The following TCERG1L variants were observed in gnomAD, a reference collection of about 807,000 sequenced individuals.
TCERG1L encodes transcription elongation regulator 1 like.
A neutral mutation model predicts 56.3 loss-of-function variants in TCERG1L; 37 were observed. That is an observed-to-expected ratio of 0.66 (90% CI 0.51 to 0.87). TCERG1L has a LOEUF of 0.87. Among genes scored for constraint, TCERG1L ranks in the 40% least tolerant of loss-of-function variants. The pLI, the probability that TCERG1L is intolerant of heterozygous loss-of-function variation, is 0.00. For missense variants in TCERG1L, 799 were observed against 774.2 expected (o/e 1.03, Z -0.38); for synonymous variants, 324 against 326.3 (o/e 0.99, Z 0.08).
At chr10:131,201,813 A>G (rs4751346) in intron 4 of TCERG1L, among the ~76,000 whole-genome samples, 34,358 of 152,060 alleles carry the variant, frequency 0.23, 4,056 homozygotes, top group East Asian at 0.32. Flanking sequence ...TGAGTTTTTC[A>G]GAGCTGCCGG....
intron 8 of TCERG1L, among the ~76,000 whole-genome samples, chr10:131,129,082 A>G (rs1845592195): frequency 1.3e-5 from 2 of 152,242 alleles, no homozygotes; most frequent in Non-Finnish European, 2.9e-5. Flanking sequence ...TCAAAAACAA[A>G]TGAAGAAAAT....
intron 4 of TCERG1L, among the ~76,000 whole-genome samples, chr10:131,201,797 TGTGA>T (rs797012975): frequency 3.9e-5 from 6 of 152,298 alleles, no homozygotes; most frequent in African/African-American, 1.4e-4. Context: ...AATGCTCAGC[TGTGA>T]GTGAGTTTTT....
At chr10:131,253,494 G>A (rs1274519482) in intron 4 of TCERG1L, among the ~76,000 whole-genome samples, 1 of 152,262 alleles carries the variant, frequency 6.6e-6, no homozygotes, top group African/African-American at 2.4e-5. Context: ...ACTGGGTCAC[G>A]ATCACCTCAC....
chr10:131,225,443 C>T (rs751644903), intron 4 of TCERG1L, among the ~76,000 whole-genome samples: 21 of 152,124 alleles, frequency 1.4e-4, no homozygotes, highest in Admixed American at 6.6e-5. Flanking sequence ...AGGACAGAGG[C>T]GTTTCTCATT....
chr10:131,154,355 G>C (rs932510509), intron 6 of TCERG1L, among the ~76,000 whole-genome samples: 5 of 152,138 alleles, frequency 3.3e-5, no homozygotes, highest in Non-Finnish European at 7.4e-5. Flanking sequence ...TGGTGGGGAG[G>C]GAATGCTCCC....
intron 8 of TCERG1L, among the ~76,000 whole-genome samples, chr10:131,120,463 C>T (rs1050453446): frequency 2.0e-5 from 3 of 152,242 alleles, no homozygotes; most frequent in African/African-American, 4.8e-5. Context: ...TCTCTCCACC[C>T]AGATCCTTTC....
chr10:131,206,643 G>A lies in TCERG1L; in HGVS notation c.857-39758C>T, dbSNP rs1319384672. Among the ~76,000 whole-genome samples, 5 of 152,306 alleles carry A rather than the reference G, an allele frequency of 3.3e-5. 1 individual carries two copies. Among genetic ancestry groups the A allele is most frequent in the South Asian group, 4.1e-4 (2 of 4,820 alleles). On this transcript the variant is annotated intron_variant, in intron 4 of 11. Transcript: ENST00000368642. ...AGAGGTCACGTGTTCCCAAAGGGAC[G>A]ACTGTGATGAGAACAAGAGCATCGT...
At chr10:131,306,622 C>T (rs1415993728) in intron 3 of TCERG1L, among the ~76,000 whole-genome samples, 2 of 151,954 alleles carry the variant, frequency 1.3e-5, no homozygotes, top group Non-Finnish European at 2.9e-5. Flanking sequence ...ATCTCACGTA[C>T]CCCACAAATA....
At chr10:131,116,424 C>T (rs1299427243) in intron 9 of TCERG1L, among the ~76,000 whole-genome samples, 4 of 152,104 alleles carry the variant, frequency 2.6e-5, no homozygotes, top group African/African-American at 2.4e-5. Context: ...CCCGGCCTCC[C>T]GGTGGACCCC....
intron 4 of TCERG1L, among the ~76,000 whole-genome samples, chr10:131,234,946 C>A (rs913247938): frequency 2.0e-5 from 3 of 152,190 alleles, no homozygotes; most frequent in Non-Finnish European, 4.4e-5. Flanking sequence ...TCATGATCTG[C>A]CCACCTCTGC....
chr10:131,251,044 G>A (rs543555060), intron 4 of TCERG1L, among the ~76,000 whole-genome samples: 1 of 152,140 alleles, frequency 6.6e-6, no homozygotes, highest in Non-Finnish European at 1.5e-5. Flanking sequence ...CGGCTTGTCG[G>A]AACATCATCA....
At chr10:131,261,647 G>A (rs1191404941) in intron 3 of TCERG1L, among the ~76,000 whole-genome samples, 5 of 152,236 alleles carry the variant, frequency 3.3e-5, no homozygotes, top group Non-Finnish European at 5.9e-5. Flanking sequence ...TTATTTAGCT[G>A]ACAAGTGCCA....
At chr10:131,214,824 A>G (rs1407049313) in intron 4 of TCERG1L, among the ~76,000 whole-genome samples, 2 of 152,246 alleles carry the variant, frequency 1.3e-5, no homozygotes, top group African/African-American at 4.8e-5. Flanking sequence ...TGACAGTGAG[A>G]GCCAGCAAAC....
chr10:131,211,566 C>G (rs1384291303), intron 4 of TCERG1L, among the ~76,000 whole-genome samples: 3 of 152,180 alleles, frequency 2.0e-5, no homozygotes, highest in Non-Finnish European at 4.4e-5. Flanking sequence ...AAGCAAAGCC[C>G]CAGCCAGAGA....
At chr10:131,223,426 A>G (rs1412867153) in intron 4 of TCERG1L, among the ~76,000 whole-genome samples, 1 of 152,166 alleles carries the variant, frequency 6.6e-6, no homozygotes, top group East Asian at 1.9e-4. Flanking sequence ...CTCCAGAGAG[A>G]GCTAGATGCC....
chr10:131,258,850 C>G (rs1227645949), intron 4 of TCERG1L, among the ~76,000 whole-genome samples: 1 of 152,188 alleles, frequency 6.6e-6, no homozygotes, highest in Non-Finnish European at 1.5e-5. Flanking sequence ...GAAAGTGAAG[C>G]TGCCCCTGAG....
At chr10:131,096,987 G>T (rs1845255464) in intron 11 of TCERG1L, among the ~76,000 whole-genome samples, 1 of 151,362 alleles carries the variant, frequency 6.6e-6, no homozygotes. Flanking sequence ...ATCACCTGAG[G>T]TCAGGAGTTC....
At chr10:131,097,271 A>C (rs1169062596) in intron 11 of TCERG1L, among the ~76,000 whole-genome samples, 1 of 152,098 alleles carries the variant, frequency 6.6e-6, no homozygotes, top group Non-Finnish European at 1.5e-5. Context: ...AAATAAAAAT[A>C]CATTGTTAAC....
intron 3 of TCERG1L, among the ~76,000 whole-genome samples, chr10:131,303,703 CTATGT>C (rs1378368181): frequency 1.3e-5 from 2 of 152,020 alleles, no homozygotes; most frequent in African/African-American, 4.8e-5. Context: ...AAGAATCTTT[CTATGT>C]TGTCTTCTAT....
Sources: allele counts gnomAD v4.1 joint callset (sites outside exome capture counted in the v4.1 genomes callset), GRCh38; gene constraint gnomAD v4.1.1; transcripts MANE v1.5; gene names NCBI Gene and HGNC (gene_info 2026-07-23, HGNC 2026-07-21).